The following C9orf85 variants were observed in gnomAD, a reference collection of about 807,000 sequenced individuals.
The protein encoded by C9orf85 is uncharacterized protein C9orf85.
In C9orf85, 16 loss-of-function variants were observed where a neutral mutation model predicts 14.9. That is an observed-to-expected ratio of 1.08 (90% CI 0.73 to 1.63). C9orf85 has a LOEUF of 1.63. Ranked by LOEUF, C9orf85 falls within the 40% of genes most tolerant of loss-of-function variation. The pLI is 0.00. For missense variants in C9orf85, 172 were observed against 186.1 expected (o/e 0.92, Z 0.44); for synonymous variants, 45 against 56.8 (o/e 0.79, Z 0.93).
chr9:71,923,429 T>C (rs1827861115), intron 1 of C9orf85, among the ~76,000 whole-genome samples: 1 of 152,090 alleles, frequency 6.6e-6, no homozygotes, highest in Non-Finnish European at 1.5e-5. Context: ...CCACCACGCC[T>C]GGCTAATTTT....
Position 71,957,318 on chromosome 9 carries a change from T to C in C9orf85, c.209+10206T>C, listed in dbSNP as rs534626642. Among the ~76,000 whole-genome samples, 334 of 152,324 alleles carry C rather than the reference T, an allele frequency of 2.2e-3. 1 individual carries two copies. Among genetic ancestry groups the C allele is most frequent in the African/African-American group, 7.5e-3 (313 of 41,574 alleles). ...TATTCATTACATTTTAAAGATTTAT[T>C]GGCTAAGACAGAAGAATTGGTATTT... On this transcript the variant is annotated intron_variant, in intron 2 of 3. Coordinates refer to ENST00000334731, the MANE Select transcript of C9orf85 (RefSeq NM_182505.5).
At chr9:71,930,243 T>A (rs1329231368) in intron 1 of C9orf85, among the ~76,000 whole-genome samples, 1 of 152,066 alleles carries the variant, frequency 6.6e-6, no homozygotes, top group Non-Finnish European at 1.5e-5. Flanking sequence ...CAGACTTGAG[T>A]AAGCAGAAGA....
At chr9:71,922,991 G>A (rs570264042) in intron 1 of C9orf85, among the ~76,000 whole-genome samples, 2 of 152,306 alleles carry the variant, frequency 1.3e-5, no homozygotes, top group African/African-American at 2.4e-5. Context: ...TTAGCTGGGC[G>A]TGGTGGTGCA....
At chr9:71,921,889 A>G (rs1215994171) in intron 1 of C9orf85, among the ~76,000 whole-genome samples, 2 of 151,966 alleles carry the variant, frequency 1.3e-5, no homozygotes, top group East Asian at 3.9e-4. Flanking sequence ...GAAACTTCCA[A>G]AAGGCATTTA....
intron 2 of C9orf85, among the ~76,000 whole-genome samples, chr9:71,968,087 C>CATATAT (rs764580008): frequency 4.9e-5 from 7 of 142,262 alleles, no homozygotes; most frequent in East Asian, 4.2e-4. Context: ...TCCATTGCTG[C>CATATAT]ATATATATAT....
chr9:71,913,160 GC>G (rs1187225612), intron 1 of C9orf85, among the ~76,000 whole-genome samples: 1 of 152,138 alleles, frequency 6.6e-6, no homozygotes, highest in Non-Finnish European at 1.5e-5. Flanking sequence ...TGCATAAATG[GC>G]CTAGGTCATA....
chr9:71,929,821 T>A, intron 1 of C9orf85, among the ~76,000 whole-genome samples: 1 of 142,412 alleles, frequency 7.0e-6, no homozygotes, highest in Non-Finnish European at 1.5e-5. Flanking sequence ...TAAAAAGCTA[T>A]AGGAACACAT....
intron 1 of C9orf85, among the ~76,000 whole-genome samples, chr9:71,925,134 G>A (rs1827899802): frequency 6.6e-6 from 1 of 152,146 alleles, no homozygotes; most frequent in African/African-American, 2.4e-5. Flanking sequence ...ATTTATTAAG[G>A]TCTTTTATTC....
downstream of C9orf85, chr9:71,985,806 C>G (rs148192551): frequency 6.6e-6 from 1 of 152,208 alleles, no homozygotes; most frequent in Admixed American, 6.5e-5. Context: ...TCTCAAGCCA[C>G]TAGGTGTTGC....
At chr9:71,916,094 T>A (rs975052686) in intron 1 of C9orf85, among the ~76,000 whole-genome samples, 3 of 152,152 alleles carry the variant, frequency 2.0e-5, no homozygotes, top group Non-Finnish European at 4.4e-5. Flanking sequence ...TCAAATAATC[T>A]TTCAAGTATG....
At chr9:71,927,609 A>G (rs1232163218) in intron 1 of C9orf85, among the ~76,000 whole-genome samples, 3 of 152,212 alleles carry the variant, frequency 2.0e-5, no homozygotes, top group Non-Finnish European at 4.4e-5. Context: ...CTGAGTGCCT[A>G]TCATTCTGGC....
chr9:71,945,696 C>A (rs1342900366), intron 1 of C9orf85, among the ~76,000 whole-genome samples: 6 of 152,136 alleles, frequency 3.9e-5, no homozygotes, highest in African/African-American at 1.4e-4. Flanking sequence ...AAAATTGTTT[C>A]TTTCAGATGA....
downstream of C9orf85, among the ~76,000 whole-genome samples, chr9:71,978,256 C>G (rs1823040157): frequency 6.7e-6 from 1 of 149,180 alleles, no homozygotes; most frequent in Admixed American, 6.6e-5. Context: ...ATTACAGGTG[C>G]CCGCCACCAT....
chr9:71,980,016 C>T (rs1262918332), intron 3 of C9orf85, among the ~76,000 whole-genome samples: 2 of 104,494 alleles, frequency 1.9e-5, no homozygotes, highest in African/African-American at 3.6e-5. Context: ...TTTCTTTTTT[C>T]TTTTTTTTTT....
intron 3 of C9orf85, among the ~76,000 whole-genome samples, chr9:71,981,200 A>T (rs1462237071): frequency 6.6e-6 from 1 of 152,182 alleles, no homozygotes; most frequent in Admixed American, 6.5e-5. Flanking sequence ...GCCCTAGGGG[A>T]TAGATTAGAG....
chr9:71,953,230 C>A (rs759341539), intron 2 of C9orf85, among the ~76,000 whole-genome samples: 6 of 152,178 alleles, frequency 3.9e-5, no homozygotes, highest in Non-Finnish European at 7.3e-5. Flanking sequence ...TAGATACTCA[C>A]AAAGCCAAGG....
intron 1 of C9orf85, among the ~76,000 whole-genome samples, chr9:71,943,974 G>A (rs1441536846): frequency 2.0e-5 from 3 of 150,680 alleles, no homozygotes; most frequent in Admixed American, 1.3e-4. Context: ...GGTGGCTCAC[G>A]CCTATAATCC....
chr9:71,931,829 T>C (rs1382611077), intron 1 of C9orf85, among the ~76,000 whole-genome samples: 1 of 152,192 alleles, frequency 6.6e-6, no homozygotes, highest in Non-Finnish European at 1.5e-5. Context: ...TAACTTTCTT[T>C]TTCAGGAAAA....
At chr9:71,969,840 GTTTTA>G (rs1822809847) in intron 2 of C9orf85, among the ~76,000 whole-genome samples, 1 of 151,078 alleles carries the variant, frequency 6.6e-6, no homozygotes, top group Non-Finnish European at 1.5e-5. Context: ...ATTTAGAAGT[GTTTTA>G]TTTTCTAAAT....
Sources: allele counts gnomAD v4.1 joint callset (sites outside exome capture counted in the v4.1 genomes callset), GRCh38; gene constraint gnomAD v4.1.1; transcripts MANE v1.5; gene names NCBI Gene and HGNC (gene_info 2026-07-23, HGNC 2026-07-21).